Variants in TAS2R1 observed in about 807,000 individuals in gnomAD.
TAS2R1 encodes the protein taste receptor type 2 member 1.
For synonymous variants in TAS2R1, 141 were observed against 134.2 expected (o/e 1.05, Z -0.35); for missense variants, 370 against 353.4 (o/e 1.05, Z -0.38).
intron 2 of TAS2R1, among the ~76,000 whole-genome samples, chr5:9,645,350 A>T (rs1022383224): frequency 6.6e-6 from 1 of 152,174 alleles, no homozygotes; most frequent in Non-Finnish European, 1.5e-5. Context: ...GTGGACCACA[A>T]TCTGATTTCA....
intron 1 of TAS2R1, among the ~76,000 whole-genome samples, chr5:9,678,720 G>A (rs1379625406): frequency 6.6e-6 from 1 of 152,094 alleles, no homozygotes; most frequent in Non-Finnish European, 1.5e-5. Flanking sequence ...TTACAAACGG[G>A]AGCTGACCGA....
the TAS2R1 span, among the ~76,000 whole-genome samples, chr5:9,741,418 C>T: frequency 1.1e-4 from 16 of 152,174 alleles, no homozygotes; most frequent in Admixed American, 7.2e-4. Context: ...CAGTCACCCA[C>T]GGATGCTGAC....
At chr5:9,680,714 A>G (rs765862632) in intron 1 of TAS2R1, among the ~76,000 whole-genome samples, 4 of 152,182 alleles carry the variant, frequency 2.6e-5, no homozygotes, top group Non-Finnish European at 5.9e-5. Flanking sequence ...AAGGATCAGA[A>G]ACTGCCACAG....
At chr5:9,789,204 A>C in the TAS2R1 span, among the ~76,000 whole-genome samples, 40 of 152,314 alleles carry the variant, frequency 2.6e-4, no homozygotes, top group Non-Finnish European at 5.3e-4. Context: ...ACAAAGCATC[A>C]AATCTGCCAG....
the TAS2R1 span, among the ~76,000 whole-genome samples, chr5:9,844,648 T>C: frequency 6.6e-6 from 1 of 152,190 alleles, no homozygotes; most frequent in African/African-American, 2.4e-5. Context: ...CTCCATAAAA[T>C]CAGATGCTTT....
At chr5:9,895,470 G>C in the TAS2R1 span, among the ~76,000 whole-genome samples, 55 of 152,330 alleles carry the variant, frequency 3.6e-4, no homozygotes, top group South Asian at 2.1e-3. Flanking sequence ...TGGCTGAGCC[G>C]GGCAGCAGGC....
chr5:9,850,515 C>A, the TAS2R1 span, among the ~76,000 whole-genome samples: 1 of 152,358 alleles, frequency 6.6e-6, no homozygotes, highest in South Asian at 2.1e-4. Context: ...ACCAGCTTTC[C>A]ATCTGCAGAT....
chr5:9,765,990 G>C, the TAS2R1 span, among the ~76,000 whole-genome samples: 94 of 152,266 alleles, frequency 6.2e-4, no homozygotes, highest in African/African-American at 2.2e-3. Context: ...TCTTTGTCTG[G>C]TGCTCTGTGA....
the TAS2R1 span, among the ~76,000 whole-genome samples, chr5:9,749,501 A>G: frequency 1.3e-5 from 2 of 152,238 alleles, no homozygotes; most frequent in Admixed American, 6.5e-5. Context: ...AGATTCTAAA[A>G]GGAATGAACA....
chr5:9,854,605 T>G, the TAS2R1 span: 3 of 152,174 alleles, frequency 2.0e-5, no homozygotes, highest in Non-Finnish European at 4.4e-5. Context: ...AAGAGTATAT[T>G]GAGGCCAAAT....
At chr5:9,729,796 G>A in the TAS2R1 span, among the ~76,000 whole-genome samples, 12 of 152,106 alleles carry the variant, frequency 7.9e-5, no homozygotes, top group East Asian at 3.9e-4. Flanking sequence ...TATGTGGGCC[G>A]GCTCAGTGAC....
chr5:9,788,163 C>A, the TAS2R1 span, among the ~76,000 whole-genome samples: 1 of 152,334 alleles, frequency 6.6e-6, no homozygotes, highest in Non-Finnish European at 1.5e-5. Context: ...TTAATGATTT[C>A]TTGTTGAAGG....
intron 1 of TAS2R1, among the ~76,000 whole-genome samples, chr5:9,707,328 G>A (rs1159240491): frequency 6.6e-6 from 1 of 152,136 alleles, no homozygotes; most frequent in Admixed American, 6.5e-5. Flanking sequence ...AGACCCTCAG[G>A]AGGGAACAAA....
Position 9,709,959 on chromosome 5 carries a change from C to G in TAS2R1, c.-242+2213G>C, listed in dbSNP as rs111990914. On this transcript the variant is annotated intron_variant, in intron 1 of 2. Coordinates refer to the TAS2R1 transcript ENST00000506620. Reference sequence around the variant, plus strand: ...GTCTTGGTTAAAACCCATAAATGGTCTCTACCACTTACAGCAGAGGACCTG... The same window carrying G: ...GTCTTGGTTAAAACCCATAAATGGTGTCTACCACTTACAGCAGAGGACCTG... Among the ~76,000 whole-genome samples the G allele has an allele frequency of 7.5e-3, 1,149 of 152,370 alleles. 7 individuals carry two copies. The highest frequency in any genetic ancestry group is 0.025 in the African/African-American group (1,037 of 41,578).
chr5:9,719,930 AAAAAAAAACAAAAAC>A, the TAS2R1 span, among the ~76,000 whole-genome samples: 3 of 139,596 alleles, frequency 2.1e-5, no homozygotes, highest in African/African-American at 8.2e-5. Flanking sequence ...AAAAAAAAAA[AAAAAAAAACAAAAAC>A]AAAAACAAAC....
the TAS2R1 span, among the ~76,000 whole-genome samples, chr5:9,834,680 T>C: frequency 6.6e-6 from 1 of 152,008 alleles, no homozygotes; most frequent in East Asian, 1.9e-4. Context: ...ATTAGAAAGA[T>C]GACTGTCAAA....
the TAS2R1 span, among the ~76,000 whole-genome samples, chr5:9,785,830 C>T: frequency 6.6e-6 from 1 of 152,172 alleles, no homozygotes; most frequent in Non-Finnish European, 1.5e-5. Context: ...ACACCCATCA[C>T]TCTCTGCCAT....
chr5:9,689,090 A>C (rs1478993317), intron 1 of TAS2R1, among the ~76,000 whole-genome samples: 1 of 152,094 alleles, frequency 6.6e-6, no homozygotes, highest in Non-Finnish European at 1.5e-5. Context: ...ATCACTCTCA[A>C]TGGAGGACCT....
chr5:9,667,108 A>G (rs752661242), intron 1 of TAS2R1, among the ~76,000 whole-genome samples: 31 of 152,214 alleles, frequency 2.0e-4, no homozygotes, highest in Non-Finnish European at 4.4e-4. Context: ...ATTTTAATAC[A>G]TGCATACCAT....
Sources: gnomAD v4.1 joint callset for allele counts (sites outside exome capture counted in the v4.1 genomes callset) on GRCh38, gnomAD v4.1.1 for gene constraint, MANE v1.5 for transcripts, NCBI Gene and HGNC (gene_info 2026-07-23, HGNC 2026-07-21) for gene names.